The following NTM variants were observed in gnomAD, a reference collection of about 807,000 sequenced individuals.
The protein encoded by NTM is neurotrimin.
In NTM, 13 loss-of-function variants were observed where a neutral mutation model predicts 42.1. The ratio of observed to expected loss-of-function variants is 0.31; its 90% confidence interval spans 0.20 to 0.49. The LOEUF (loss-of-function observed/expected upper bound fraction) is 0.49. Ranked by LOEUF, NTM falls within the 20% of genes least tolerant of loss-of-function variation. The pLI is 0.99. For missense variants in NTM, 373 were observed against 452.8 expected (o/e 0.82, Z 1.60); for synonymous variants, 187 against 179.2 (o/e 1.04, Z -0.35).
At chr11:131,958,565 T>G (rs1304105135) in intron 2 of NTM, among the ~76,000 whole-genome samples, 1 of 152,202 alleles carries the variant, frequency 6.6e-6, no homozygotes, top group Non-Finnish European at 1.5e-5. Flanking sequence ...GAAAGAGACA[T>G]GAACACCGTC....
At chr11:132,080,190 GAA>G (rs34851244) in intron 2 of NTM, among the ~76,000 whole-genome samples, 2,192 of 151,364 alleles carry the variant, frequency 0.014, 66 homozygotes, top group African/African-American at 0.051. Context: ...AAAGAATGCT[GAA>G]AAAAAAAATC....
At chr11:132,013,635 A>C (rs1015763671) in intron 2 of NTM, among the ~76,000 whole-genome samples, 3 of 152,220 alleles carry the variant, frequency 2.0e-5, no homozygotes, top group African/African-American at 7.2e-5. Context: ...TTCAAGATAG[A>C]TCTGATGAAG....
rs141021889 is a variant in NTM at position 132,019,059 on chromosome 11, A to G, written c.167+107411A>G. On this transcript the variant is annotated intron_variant, in intron 2 of 8. Coordinates refer to ENST00000683400, the MANE Select transcript of NTM (RefSeq NM_001352005.2). The stretch of plus-strand genomic sequence containing the variant: ...AGTCTGAAAACGTAGAGTCTTTACT[A>G]TTTTTCTTCTCTCTTTTTCCTGGTT... 5.0e-3 allele frequency among the ~76,000 whole-genome samples: 760 copies of G among 151,696 alleles called. 8 individuals are homozygous for G. The highest frequency in any genetic ancestry group is 0.017 in the African/African-American group (722 of 41,442).
intron 2 of NTM, among the ~76,000 whole-genome samples, chr11:131,987,552 C>T (rs2066282900): frequency 6.6e-6 from 1 of 152,076 alleles, no homozygotes; most frequent in Admixed American, 6.5e-5. Flanking sequence ...AGGCACATTA[C>T]CTGGTGAGGA....
At chr11:132,030,333 C>A (rs1013469185) in intron 2 of NTM, among the ~76,000 whole-genome samples, 3 of 152,208 alleles carry the variant, frequency 2.0e-5, no homozygotes, top group African/African-American at 7.2e-5. Flanking sequence ...TCGTATATCA[C>A]TTTGTGATAT....
chr11:131,805,012 C>A (rs886230009), intron 1 of NTM, among the ~76,000 whole-genome samples: 1 of 152,096 alleles, frequency 6.6e-6, no homozygotes, highest in Non-Finnish European at 1.5e-5. Context: ...GATGTTGCAC[C>A]CCAGCCTCCA....
intron 3 of NTM, among the ~76,000 whole-genome samples, chr11:132,192,688 A>C (rs2079504441): frequency 6.6e-6 from 1 of 152,116 alleles, no homozygotes; most frequent in African/African-American, 2.4e-5. Flanking sequence ...TAATCCCCCC[A>C]CTTAAAAGGC....
At chr11:131,598,875 T>TCCTCCTTCCTTC (rs1174189983) in intron 1 of NTM, among the ~76,000 whole-genome samples, 2 of 35,004 alleles carry the variant, frequency 5.7e-5, no homozygotes, top group Admixed American at 3.2e-4. Flanking sequence ...CTTCCTTCCT[T>TCCTCCTTCCTTC]CTTCCTTCCT....
intron 1 of NTM, among the ~76,000 whole-genome samples, chr11:131,612,684 A>G (rs1300525387): frequency 6.6e-6 from 1 of 152,240 alleles, no homozygotes; most frequent in East Asian, 1.9e-4. Flanking sequence ...CGAATGCTGA[A>G]CTACTGACGA....
At chr11:131,752,706 G>A (rs754895469) in intron 1 of NTM, among the ~76,000 whole-genome samples, 1 of 152,130 alleles carries the variant, frequency 6.6e-6, no homozygotes, top group African/African-American at 2.4e-5. Context: ...AGCTGAAACT[G>A]GATCCCTTCC....
In NTM at chr11:131,527,876, T is replaced by C. The variant is rs146932704; in HGVS notation, c.82+156988T>C. ...TTTGGAAAGCGATAAATCAAATAAC[T>C]ATTGAGGATGTTCAGCCCATTGATC... is the stretch of plus-strand genomic sequence containing the variant. On this transcript the variant is annotated intron_variant, in intron 1 of 8. Transcript: ENST00000683400. Among the ~76,000 whole-genome samples the C allele has an allele frequency of 1.3e-3, 201 of 152,256 alleles. 1 individual carries two copies. Among genetic ancestry groups the C allele is most frequent in the African/African-American group, 4.7e-3 (195 of 41,526 alleles).
chr11:132,082,522 A>G (rs1421228723), intron 2 of NTM, among the ~76,000 whole-genome samples: 1 of 152,216 alleles, frequency 6.6e-6, no homozygotes, highest in Admixed American at 6.5e-5. Context: ...TAAGGGACAG[A>G]ATTTTCCATC....
At chr11:131,883,635 A>C (rs1426367334) in intron 1 of NTM, among the ~76,000 whole-genome samples, 1 of 151,982 alleles carries the variant, frequency 6.6e-6, no homozygotes, top group Non-Finnish European at 1.5e-5. Context: ...AGTTGGTTTG[A>C]CCCCCATACC....
chr11:132,257,742 G>A (rs796233389), intron 4 of NTM, among the ~76,000 whole-genome samples: 72 of 152,320 alleles, frequency 4.7e-4, no homozygotes, highest in African/African-American at 1.5e-3. Flanking sequence ...GCGATTGCTT[G>A]CGATCATCCA....
chr11:132,324,864 C>T (rs901135110), intron 7 of NTM, among the ~76,000 whole-genome samples: 4 of 150,050 alleles, frequency 2.7e-5, no homozygotes, highest in Non-Finnish European at 5.9e-5. Flanking sequence ...GAAATAATGC[C>T]ACATATCTAC....
chr11:131,790,464 T>C (rs767049643), intron 1 of NTM, among the ~76,000 whole-genome samples: 1 of 152,168 alleles, frequency 6.6e-6, no homozygotes, highest in Non-Finnish European at 1.5e-5. Flanking sequence ...CTGGGTGGTA[T>C]AAAAATAGTA....
At chr11:132,125,549 G>A (rs1306499333) in intron 2 of NTM, among the ~76,000 whole-genome samples, 1 of 139,022 alleles carries the variant, frequency 7.2e-6, no homozygotes, top group Non-Finnish European at 1.6e-5. Context: ...GCTATGTGAT[G>A]TATGTGGTGT....
intron 2 of NTM, among the ~76,000 whole-genome samples, chr11:132,125,976 G>T (rs1280101901): frequency 1.3e-5 from 2 of 151,904 alleles, no homozygotes; most frequent in Admixed American, 6.5e-5. Flanking sequence ...AGGGGGATGA[G>T]TGGGCTGTTG....
intron 1 of NTM, among the ~76,000 whole-genome samples, chr11:131,827,198 A>C (rs999646779): frequency 6.6e-6 from 1 of 152,218 alleles, no homozygotes; most frequent in African/African-American, 2.4e-5. Context: ...CATAAAATGG[A>C]ATTACATATT....
Sources: allele counts gnomAD v4.1 joint callset (sites outside exome capture counted in the v4.1 genomes callset), GRCh38; gene constraint gnomAD v4.1.1; transcripts MANE v1.5; gene names NCBI Gene and HGNC (gene_info 2026-07-23, HGNC 2026-07-21).